Variants in TRPS1 observed in about 807,000 individuals in gnomAD.
TRPS1 encodes transcriptional repressor GATA binding 1, also known as zinc finger transcription factor Trps1.
A neutral mutation model predicts 101.2 loss-of-function variants in TRPS1; 6 were observed. The ratio of observed to expected loss-of-function variants is 0.06; its 90% confidence interval spans 0.03 to 0.12. The LOEUF (loss-of-function observed/expected upper bound fraction) is 0.12. TRPS1 is among the 10% of genes least tolerant of loss of function. The pLI, the probability that TRPS1 is intolerant of heterozygous loss-of-function variation, is 1.00. For missense variants in TRPS1, 1,363 were observed against 1,567.0 expected, an observed-to-expected ratio of 0.87 and a Z score of 2.20; for synonymous variants, 578 against 589.8, an observed-to-expected ratio of 0.98 and a Z score of 0.29.
chr8:115,485,227 A>G (rs2130079580), intron 5 of TRPS1, among the ~76,000 whole-genome samples: 1 of 152,330 alleles, frequency 6.6e-6, no homozygotes, highest in South Asian at 2.1e-4. Context: ...AACTGCCCAT[A>G]GGGGCTTGAC....
intron 5 of TRPS1, among the ~76,000 whole-genome samples, chr8:115,532,218 C>A (rs1816150695): frequency 6.8e-6 from 1 of 148,000 alleles, no homozygotes; most frequent in Non-Finnish European, 1.5e-5. Flanking sequence ...CTAATCTAAG[C>A]AAGAAATGGA....
intron 5 of TRPS1, among the ~76,000 whole-genome samples, chr8:115,569,038 T>C (rs1817138729): frequency 6.6e-6 from 1 of 152,128 alleles, no homozygotes; most frequent in African/African-American, 2.4e-5. Flanking sequence ...TGGAGTTTCA[T>C]TTCCTGCAAA....
At chr8:115,454,773 A>G (rs1813973944) in intron 5 of TRPS1, among the ~76,000 whole-genome samples, 1 of 152,162 alleles carries the variant, frequency 6.6e-6, no homozygotes, top group Non-Finnish European at 1.5e-5. Context: ...CTTTCCAAAA[A>G]TTGTTACAAT....
intron 1 of TRPS1, among the ~76,000 whole-genome samples, chr8:115,640,170 A>T (rs1246492115): frequency 6.6e-6 from 1 of 152,182 alleles, no homozygotes; most frequent in African/African-American, 2.4e-5. Flanking sequence ...CAAGAAAAAA[A>T]ATTCTCTATA....
rs573519919 is a variant in TRPS1 at position 115,637,112 on chromosome 8, C to G, written c.-121-13354G>C. On this transcript the variant is annotated intron_variant, in intron 1 of 6. Transcript: ENST00000395715. ...TCCTGAGAGAGAAGTAAGAATTGCA[C>G]AGCTACAGGGGACAGAAAAGGGGAT... 176 of 306,156 alleles carry G rather than the reference C, an allele frequency of 5.7e-4. 1 individual carries two copies. Among genetic ancestry groups the G allele is most frequent in the African/African-American group, 4.0e-3 (173 of 43,764 alleles). The allele number at this position is 306,156 out of a possible 1,614,324, so 19.0% of individuals were successfully genotyped here. A position where few individuals can be genotyped will look rare whatever the true frequency, so the allele number is the denominator to read the frequency against.
intron 5 of TRPS1, among the ~76,000 whole-genome samples, chr8:115,550,132 G>C (rs759365081): frequency 6.6e-6 from 1 of 152,140 alleles, no homozygotes; most frequent in Non-Finnish European, 1.5e-5. Context: ...CAGTAGAATT[G>C]CTTAACCGGG....
intron 5 of TRPS1, among the ~76,000 whole-genome samples, chr8:115,483,388 C>G (rs1484068588): frequency 1.3e-5 from 2 of 151,794 alleles, no homozygotes; most frequent in African/African-American, 4.8e-5. Context: ...CAAAAATTAA[C>G]CAGGCATGGT....
chr8:115,612,435 G>A (rs919950593), intron 3 of TRPS1, among the ~76,000 whole-genome samples: 4 of 152,170 alleles, frequency 2.6e-5, no homozygotes, highest in African/African-American at 9.7e-5. Context: ...TGTTTGGGGC[G>A]TGATATCAAA....
intron 5 of TRPS1, among the ~76,000 whole-genome samples, chr8:115,553,027 A>G (rs1213562391): frequency 1.3e-5 from 2 of 152,156 alleles, no homozygotes; most frequent in Non-Finnish European, 2.9e-5. Context: ...CCAAGAGAAT[A>G]AGACGAATAT....
chr8:115,561,383 T>C (rs1816941302), intron 5 of TRPS1, among the ~76,000 whole-genome samples: 1 of 151,980 alleles, frequency 6.6e-6, no homozygotes, highest in Admixed American at 6.6e-5. Flanking sequence ...AGGAAGCTGA[T>C]CTGAACACAG....
chr8:115,543,104 G>GT (rs1219299806), intron 5 of TRPS1, among the ~76,000 whole-genome samples: 1 of 151,602 alleles, frequency 6.6e-6, no homozygotes, highest in Non-Finnish European at 1.5e-5. Context: ...GGACAGACGG[G>GT]TAAAAAAAAA....
chr8:115,607,631 G>A (rs568156035), intron 3 of TRPS1, among the ~76,000 whole-genome samples: 6 of 151,652 alleles, frequency 4.0e-5, no homozygotes, highest in East Asian at 3.9e-4. Flanking sequence ...ACATATTTGC[G>A]TTTTTGGTTA....
chr8:115,549,908 A>G (rs1419225238), intron 5 of TRPS1, among the ~76,000 whole-genome samples: 1 of 152,116 alleles, frequency 6.6e-6, no homozygotes, highest in Non-Finnish European at 1.5e-5. Flanking sequence ...TATTAAAGAA[A>G]ACAAACAAAA....
intron 5 of TRPS1, among the ~76,000 whole-genome samples, chr8:115,442,460 T>C (rs1284902282): frequency 6.6e-6 from 1 of 152,050 alleles, no homozygotes; most frequent in African/African-American, 2.4e-5. Flanking sequence ...AATAGGGGGC[T>C]GCACTAATAC....
intron 1 of TRPS1, among the ~76,000 whole-genome samples, chr8:115,641,826 G>A (rs1818904179): frequency 6.6e-6 from 1 of 152,166 alleles, no homozygotes; most frequent in Admixed American, 6.5e-5. Context: ...GTTGCAATGA[G>A]CCAAGATTGC....
chr8:115,416,349 C>A (rs138722100), intron 6 of TRPS1, among the ~76,000 whole-genome samples: 48 of 151,470 alleles, frequency 3.2e-4, no homozygotes, highest in Non-Finnish European at 4.6e-4. Flanking sequence ...TAAATTAATG[C>A]GTATTTATAG....
chr8:115,427,218 A>C (rs1190055645), intron 5 of TRPS1, among the ~76,000 whole-genome samples: 2 of 152,186 alleles, frequency 1.3e-5, no homozygotes, highest in African/African-American at 4.8e-5. Flanking sequence ...TCTAGACTGT[A>C]GTGAGCTATA....
intron 3 of TRPS1, among the ~76,000 whole-genome samples, chr8:115,606,877 G>A (rs561718851): frequency 6.2e-4 from 93 of 150,422 alleles, no homozygotes; most frequent in African/African-American, 2.2e-3. Flanking sequence ...TCTTTGTTCC[G>A]GAACTTAAAC....
chr8:115,531,020 G>A (rs983985409), intron 5 of TRPS1, among the ~76,000 whole-genome samples: 3 of 151,988 alleles, frequency 2.0e-5, no homozygotes, highest in African/African-American at 7.3e-5. Flanking sequence ...CATGGCACAT[G>A]TATACATATG....
Sources: allele counts gnomAD v4.1 joint callset (sites outside exome capture counted in the v4.1 genomes callset), GRCh38; gene constraint gnomAD v4.1.1; transcripts MANE v1.5; gene names NCBI Gene and HGNC (gene_info 2026-07-23, HGNC 2026-07-21).